Variants in VDAC2 observed in about 807,000 individuals in gnomAD.
VDAC2 encodes voltage dependent anion channel 2.
In VDAC2, 6 loss-of-function variants were observed where a neutral mutation model predicts 36.6. The observed-to-expected ratio is 0.16, with a 90% confidence interval of 0.09 to 0.32. The LOEUF (loss-of-function observed/expected upper bound fraction) is 0.32. Ranked by LOEUF, VDAC2 falls within the 10% of genes least tolerant of loss-of-function variation. The pLI is 1.00. For synonymous variants in VDAC2, 109 were observed against 123.8 expected (o/e 0.88, Z 0.79); for missense variants, 247 against 346.0 (o/e 0.71, Z 2.27).
chr10:75,211,511 TAGC>T, intron 2 of VDAC2: 11 of 1,542,324 alleles, frequency 7.1e-6, no homozygotes, highest in Admixed American at 2.0e-5. Context: ...CTAGAGGAAG[TAGC>T]AGTCCCTCTT....
intron 4 of VDAC2, among the ~76,000 whole-genome samples, chr10:75,217,162 T>C (rs1280038313): frequency 6.6e-6 from 1 of 151,764 alleles, no homozygotes; most frequent in Non-Finnish European, 1.5e-5. Flanking sequence ...GAGGCTGAGA[T>C]AGGAGGATCG....
chr10:75,211,303 T>G, intron 2 of VDAC2, 114 bp downstream of exon 2: 1 of 1,483,344 alleles, frequency 6.7e-7, no homozygotes, highest in Non-Finnish European at 9.1e-7. Context: ...TCGGCTGCTT[T>G]TGGTGGTCGC....
intron 4 of VDAC2, 77 bp from the exon 5 acceptor site, chr10:75,218,986 G>C: frequency 7.0e-7 from 1 of 1,421,090 alleles, no homozygotes; most frequent in South Asian, 1.4e-5. Flanking sequence ...GGGGGTTTGT[G>C]TGTGTGTGCG....
intron 4 of VDAC2, among the ~76,000 whole-genome samples, chr10:75,216,016 A>G (rs949966021): frequency 6.6e-6 from 1 of 152,258 alleles, no homozygotes; most frequent in Non-Finnish European, 1.5e-5. Context: ...TGTAGTTTAA[A>G]AGCCTAGGCC....
At chr10:75,227,582 T>TTATTTA (rs1841992069) in intron 8 of VDAC2, among the ~76,000 whole-genome samples, 3 of 142,190 alleles carry the variant, frequency 2.1e-5, no homozygotes, top group Admixed American at 7.0e-5. Context: ...TAGGAATTTT[T>TTATTTA]TTTTTTTTTT....
rs80080188 is a variant in VDAC2 at position 75,214,497 on chromosome 10, T to A, written c.150+427T>A. Among the ~76,000 whole-genome samples the A allele has an allele frequency of 8.4e-3, 1,285 of 152,294 alleles. 20 individuals carry two copies. The highest frequency in any genetic ancestry group is 0.028 in the African/African-American group (1,155 of 41,572). ...GTTCTCCCTGGAGAAGATTTCCACA[T>A]GTATTTTATGAGTTTAGGGAGTCCT... is the stretch of plus-strand genomic sequence containing the variant. On this transcript the variant is annotated intron_variant, in intron 4 of 9. Transcript: ENST00000332211.
rs1158030449 is a variant in VDAC2 at position 75,218,044 on chromosome 10, C to T, written c.151-1019C>T. The T allele has an allele frequency of 1.4e-5, 10 of 734,840 alleles. No individual in the cohort carries two copies. The South Asian group carries it at 1.4e-4, about 10-fold the overall frequency. The allele number at this position is 734,840 out of a possible 1,614,324, so 45.5% of individuals were successfully genotyped here. On this transcript the variant is annotated intron_variant, in intron 4 of 9. Coordinates refer to ENST00000332211, the MANE Select transcript of VDAC2 (RefSeq NM_001391963.1). ...TTGAGGCTGCAGTCAGCTGTGATCACATCATTGTGTTCCAGCTTGGGTGAC... is the reference window on the plus strand; with the variant it reads ...TTGAGGCTGCAGTCAGCTGTGATCATATCATTGTGTTCCAGCTTGGGTGAC...
In VDAC2 at chr10:75,219,077, C is replaced by T; in HGVS notation, c.165C>T (p.Ser55=). 8.1e-6 allele frequency: 13 copies of T among 1,603,588 alleles called. No homozygotes were observed. The highest frequency in any genetic ancestry group is 6.7e-5 in the East Asian group (3 of 44,814). ...TGTCTTGTTAGGAATTTTCAACGTC[C>T]GGTTCATCTAATACAGACACTGGTA... ...KSCSGVEFST[S]GSSNTDTGKV... Residue 55 remains serine (S), a synonymous_variant, in exon 5 of 10, where the codon TCC becomes TCT. Transcript: ENST00000332211.
chr10:75,211,054 C>G, intron 1 of VDAC2, 80 bp from the exon 2 acceptor site: 1 of 1,334,890 alleles, frequency 7.5e-7, no homozygotes, highest in Non-Finnish European at 1.0e-6. Flanking sequence ...CGCTGCCCCG[C>G]GGCCCCTCGC....
Position 75,219,170 on chromosome 10 carries a change from G to C in VDAC2, c.258G>C (p.Trp86Cys). ...CEYGLTFTEK[W>C]NTDNTLGTEI... ...ATGGTCTGACTTTCACAGAAAAGTGGAACACTGATAACACTCTGGGAACAG... is the reference window on the plus strand; with the variant it reads ...ATGGTCTGACTTTCACAGAAAAGTGCAACACTGATAACACTCTGGGAACAG... Residue 86 changes from tryptophan (W) to cysteine (C), a missense_variant, in exon 5 of 10, where the codon TGG becomes TGC. This residue lies in a region of VDAC2 where 12 missense variants were observed against 35.1 expected (regional missense o/e 0.34). Transcript: ENST00000332211. The C allele has an allele frequency of 1.2e-6, 2 of 1,612,550 alleles. No homozygotes were observed. Among genetic ancestry groups the C allele is most frequent in the Non-Finnish European group, 1.7e-6 (2 of 1,179,128 alleles).
At chr10:75,214,119 A>G (rs146125551) in intron 4 of VDAC2, 49 bp downstream of exon 4, 174 of 1,584,902 alleles carry the variant, frequency 1.1e-4, no homozygotes, top group Middle Eastern at 9.3e-4. Flanking sequence ...TAATTTTTCA[A>G]CTTGTAAAAT....
rs201204474 is a variant in VDAC2, at chr10:75,220,837, G to A, written c.451G>A (p.Gly151Ser). ...DFDFAGPAIHGSAVFGYEGWL... is the reference protein window; with the variant it reads ...DFDFAGPAIHSSAVFGYEGWL... Reference sequence around the variant, plus strand: ...TGATTTTGCTGGACCTGCAATCCATGGTTCAGCTGTCTTTGGTTATGAGGG... The same window carrying A: ...TGATTTTGCTGGACCTGCAATCCATAGTTCAGCTGTCTTTGGTTATGAGGG... Residue 151 changes from glycine to serine, a missense_variant, in exon 7 of 10, where the codon GGT (glycine) becomes AGT (serine). By Grantham distance (56) the Gly-to-Ser change is moderately conservative. This residue lies in a region of VDAC2 where 159 missense variants were observed against 234.0 expected (regional missense o/e 0.68). Coordinates refer to ENST00000332211, the MANE Select transcript of VDAC2 (RefSeq NM_001391963.1). The A allele has an allele frequency of 1.2e-6, 2 of 1,613,562 alleles. No homozygotes were observed. Among genetic ancestry groups the A allele is most frequent in the East Asian group, 4.5e-5 (2 of 44,876 alleles).
In VDAC2 at chr10:75,214,059, T is replaced by C; in HGVS notation, c.139T>C (p.Cys47Arg). ...GAAACTGGATGTGAAAACAAAGTCT[T>C]GCAGTGGCGTGGTGAGTGTTACTGT... ...LVKLDVKTKS[C>R]SGVEFSTSGS... The change falls in exon 4 of 10, where the codon TGC becomes CGC. Residue 47 changes from cysteine (C) to arginine (R), a missense_variant. Coordinates refer to ENST00000332211, the MANE Select transcript of VDAC2 (RefSeq NM_001391963.1). 1 of 1,613,284 alleles carries C rather than the reference T, an allele frequency of 6.2e-7. No individual in the cohort carries two copies. Among genetic ancestry groups the C allele is most frequent in the South Asian group, 1.1e-5 (1 of 91,050 alleles).
intron 6 of VDAC2, 67 bp downstream of exon 6, chr10:75,219,423 T>G: frequency 7.4e-7 from 1 of 1,343,182 alleles, no homozygotes; most frequent in Non-Finnish European, 1.0e-6. Context: ...TTAGAAAAGG[T>G]GTACATTTAC....
rs373445362 is a variant in VDAC2, at chr10:75,221,302, C to T, written c.584+332C>T. Among the ~76,000 whole-genome samples, 3 of 152,022 alleles carry T rather than the reference C, an allele frequency of 2.0e-5. No individual in the cohort carries two copies. In the South Asian group the frequency reaches 6.2e-4, roughly 32 times the overall value. On this transcript the variant is annotated intron_variant, in intron 7 of 9. Coordinates refer to ENST00000332211, the MANE Select transcript of VDAC2 (RefSeq NM_001391963.1). ...TGAGATGCTGACTTGATAGGATTGC[C>T]TAAAATGTATGGTGTTTTGTGGTTG...
chr10:75,219,777 G>A (rs1205706729), intron 6 of VDAC2, among the ~76,000 whole-genome samples: 1 of 147,084 alleles, frequency 6.8e-6, no homozygotes, highest in African/African-American at 2.6e-5. Flanking sequence ...GAGCCACCAC[G>A]CCCAGCCTTT....
rs758108325 is a variant in VDAC2, at chr10:75,219,047, T to C, written c.151-16T>C. The stretch of plus-strand genomic sequence containing the variant: ...GCTTATGAGAATGTTCATGAAGTTA[T>C]TGATTGTCTTGTTAGGAATTTTCAA... On this transcript the variant is annotated splice_polypyrimidine_tract_variant and intron_variant, in intron 4 of 9. Transcript: ENST00000332211. The C allele has an allele frequency of 1.2e-5, 20 of 1,603,182 alleles. No homozygotes were observed. In the Admixed American group the frequency reaches 2.4e-4, roughly 19 times the overall value.
At chr10:75,230,046 T>C (rs1842061518) in intron 9 of VDAC2, among the ~76,000 whole-genome samples, 2 of 152,212 alleles carry the variant, frequency 1.3e-5, no homozygotes, top group African/African-American at 4.8e-5. Context: ...TAGTAATTTT[T>C]ATTTTGTTGA....
At chr10:75,218,615 AG>A (rs1380887780) in intron 4 of VDAC2, among the ~76,000 whole-genome samples, 1 of 152,182 alleles carries the variant, frequency 6.6e-6, no homozygotes, top group Non-Finnish European at 1.5e-5. Flanking sequence ...TACAAAAATC[AG>A]CTGGGTGTGG....
Sources: gnomAD v4.1 joint callset for allele counts (sites outside exome capture counted in the v4.1 genomes callset) on GRCh38, gnomAD v4.1.1 for gene constraint, gnomAD v4.1.1 regional missense constraint, MANE v1.5 for transcripts, NCBI Gene and HGNC (gene_info 2026-07-23, HGNC 2026-07-21) for gene names.